GMDS: variants seen among roughly 807,000 people sequenced by gnomAD.
The protein encoded by GMDS is GDP-mannose 4,6-dehydratase.
Under a neutral mutation model 49.9 loss-of-function variants are expected in GMDS, and 20 were observed. The observed-to-expected ratio is 0.40, with a 90% confidence interval of 0.28 to 0.58. The LOEUF is 0.58. Ranked by LOEUF, GMDS falls within the 20% of genes least tolerant of loss-of-function variation. The probability of loss-of-function intolerance (pLI) is 0.42; values close to 1 mark genes in which losing one functional copy is unlikely to be tolerated. For missense variants in GMDS, 362 were observed against 481.4 expected, an observed-to-expected ratio of 0.75 and a Z score of 2.32; for synonymous variants, 177 against 178.6, an observed-to-expected ratio of 0.99 and a Z score of 0.07.
intron 7 of GMDS, among the ~76,000 whole-genome samples, chr6:1,827,551 A>C (rs188958356): frequency 1.3e-5 from 2 of 152,208 alleles, no homozygotes; most frequent in Admixed American, 6.5e-5. Context: ...AACGTTTTAC[A>C]TAAGCTTTAG....
At chr6:2,154,648 G>A (rs1777010702) in intron 1 of GMDS, among the ~76,000 whole-genome samples, 1 of 151,772 alleles carries the variant, frequency 6.6e-6, no homozygotes, top group Non-Finnish European at 1.5e-5. Flanking sequence ...CCACCCAAAC[G>A]TTGTTCTCTT....
At chr6:2,133,352 TA>T (rs1382960713) in intron 1 of GMDS, among the ~76,000 whole-genome samples, 2 of 152,230 alleles carry the variant, frequency 1.3e-5, no homozygotes. Context: ...TTTATGGCTT[TA>T]AAAAGGTCAT....
intron 4 of GMDS, among the ~76,000 whole-genome samples, chr6:1,968,942 G>C (rs1764422151): frequency 6.6e-6 from 1 of 151,916 alleles, no homozygotes; most frequent in African/African-American, 2.4e-5. Context: ...AAAACAGAAA[G>C]CCACGTGAAG....
intron 8 of GMDS, among the ~76,000 whole-genome samples, chr6:1,734,709 T>C (rs564873017): frequency 6.6e-6 from 1 of 152,330 alleles, no homozygotes; most frequent in South Asian, 2.1e-4. Flanking sequence ...TTTTTAGCAG[T>C]AGGACTGAGA....
At chr6:1,939,782 A>C (rs1762731481) in intron 6 of GMDS, among the ~76,000 whole-genome samples, 1 of 152,320 alleles carries the variant, frequency 6.6e-6, no homozygotes, top group East Asian at 1.9e-4. Flanking sequence ...AGACATGAAT[A>C]ATAGCCAATT....
intron 7 of GMDS, among the ~76,000 whole-genome samples, chr6:1,850,668 TAAGCAC>T (rs1757624347): frequency 1.3e-5 from 2 of 152,192 alleles, no homozygotes; most frequent in Admixed American, 6.5e-5. Flanking sequence ...AGGAGGCTAA[TAAGCAC>T]AGAGCACACA....
intron 6 of GMDS, among the ~76,000 whole-genome samples, chr6:1,933,111 C>A (rs1162093860): frequency 6.6e-6 from 1 of 152,136 alleles, no homozygotes; most frequent in Admixed American, 6.5e-5. Context: ...CTGGACACTT[C>A]CTATAAATGG....
Position 1,843,411 on chromosome 6 carries a change from T to C in GMDS, c.771+86692A>G, listed in dbSNP as rs571534262. 7.2e-5 allele frequency among the ~76,000 whole-genome samples: 11 copies of C among 152,282 alleles called. No individual in the cohort carries two copies. The South Asian group carries it at 2.3e-3, about 32-fold the overall frequency. On this transcript the variant is annotated intron_variant, in intron 7 of 10. Transcript: ENST00000380815. ...TGTTAGAAAAGAAGCTACATCAATG[T>C]ACAGTATAAGGTGTGAGAACAACAA...
intron 1 of GMDS, among the ~76,000 whole-genome samples, chr6:2,180,773 T>C (rs1033847797): frequency 3.3e-5 from 5 of 152,194 alleles, no homozygotes; most frequent in Non-Finnish European, 5.9e-5. Flanking sequence ...CAAGATTTCT[T>C]TCTCCAATGT....
At chr6:1,756,518 C>T (rs902106917) in intron 7 of GMDS, among the ~76,000 whole-genome samples, 18 of 152,262 alleles carry the variant, frequency 1.2e-4, no homozygotes, top group South Asian at 2.1e-4. Flanking sequence ...GTGATCTGCC[C>T]GCCTCGGCCT....
At chr6:2,059,281 GT>G (rs895045534) in intron 4 of GMDS, among the ~76,000 whole-genome samples, 2 of 138,916 alleles carry the variant, frequency 1.4e-5, no homozygotes, top group Admixed American at 7.3e-5. Flanking sequence ...TTGAACTATT[GT>G]TTTTTTAATT....
chr6:1,848,929 G>A (rs1385544821), intron 7 of GMDS, among the ~76,000 whole-genome samples: 1 of 152,158 alleles, frequency 6.6e-6, no homozygotes, highest in Non-Finnish European at 1.5e-5. Flanking sequence ...ATAGTTCTTT[G>A]TTGTGGGGGC....
At chr6:1,878,216 G>A (rs1360636456) in intron 7 of GMDS, among the ~76,000 whole-genome samples, 1 of 150,094 alleles carries the variant, frequency 6.7e-6, no homozygotes, top group Non-Finnish European at 1.5e-5. Flanking sequence ...TTGGGAGGCT[G>A]AGGCAGGAGA....
intron 1 of GMDS, among the ~76,000 whole-genome samples, chr6:2,192,765 C>T (rs1451027479): frequency 2.0e-5 from 3 of 152,210 alleles, no homozygotes; most frequent in African/African-American, 7.2e-5. Context: ...CACTCACTCA[C>T]ACACGTCTTG....
chr6:2,159,092 C>T lies in GMDS; in HGVS notation c.103-34361G>A, dbSNP rs529111809. 6.6e-5 allele frequency among the ~76,000 whole-genome samples: 10 copies of T among 152,304 alleles called. No homozygotes were observed. In the South Asian group the frequency reaches 1.9e-3, roughly 28 times the overall value. ...TTGCGACACTTCATGAAAGTCAACA[C>T]TTCCAGTGTTTCTATCACATGTTAA... On this transcript the variant is annotated intron_variant, in intron 1 of 10. Transcript: ENST00000380815.
chr6:1,715,126 A>T (rs1766128597), intron 9 of GMDS, among the ~76,000 whole-genome samples: 1 of 152,246 alleles, frequency 6.6e-6, no homozygotes, highest in Non-Finnish European at 1.5e-5. Context: ...GGCAGAAATG[A>T]AAGAATTAGT....
chr6:2,034,710 T>C (rs551286470), intron 4 of GMDS, among the ~76,000 whole-genome samples: 1 of 152,334 alleles, frequency 6.6e-6, no homozygotes, highest in East Asian at 1.9e-4. Context: ...TTCTGGGGTG[T>C]CTGCGAAGCC....
intron 9 of GMDS, among the ~76,000 whole-genome samples, chr6:1,722,419 A>G (rs545513564): frequency 6.6e-6 from 1 of 151,890 alleles, no homozygotes; most frequent in African/African-American, 2.4e-5. Flanking sequence ...TGCAATCTCC[A>G]CAAGGGTGGG....
chr6:2,077,435 A>G (rs1391038936), intron 4 of GMDS, among the ~76,000 whole-genome samples: 1 of 151,958 alleles, frequency 6.6e-6, no homozygotes, highest in Admixed American at 6.5e-5. Flanking sequence ...TATGTCCTTT[A>G]TGATTTTGAG....
Sources: allele counts gnomAD v4.1 joint callset (sites outside exome capture counted in the v4.1 genomes callset), GRCh38; gene constraint gnomAD v4.1.1; transcripts MANE v1.5; gene names NCBI Gene and HGNC (gene_info 2026-07-23, HGNC 2026-07-21).